EXOC7: variants seen among roughly 807,000 people sequenced by gnomAD.
The protein encoded by EXOC7 is exocyst complex component 7.
Under a neutral mutation model 87.6 loss-of-function variants are expected in EXOC7, and 51 were observed. That is an observed-to-expected ratio of 0.58 (90% CI 0.46 to 0.73). The LOEUF is 0.73. EXOC7 is among the 30% of genes least tolerant of loss of function. The pLI, the probability that EXOC7 is intolerant of heterozygous loss-of-function variation, is 0.00. For synonymous variants in EXOC7, 327 were observed against 357.1 expected (o/e 0.92, Z 0.95); for missense variants, 744 against 888.4 (o/e 0.84, Z 2.07).
chr17:76,081,883 T>C lies in EXOC7; in HGVS notation c.*1765A>G. 1 of 1,609,296 alleles carries C rather than the reference T, an allele frequency of 6.2e-7. No homozygotes were observed. The highest frequency in any genetic ancestry group is 8.5e-7 in the Non-Finnish European group (1 of 1,176,926). ...CTCCCTGTGCCCTGCCTCCCCCAGTTTACTACTTCACCATCCTGCTGCTGC... is the reference window on the plus strand; with the variant it reads ...CTCCCTGTGCCCTGCCTCCCCCAGTCTACTACTTCACCATCCTGCTGCTGC... On this transcript the variant is annotated 3_prime_UTR_variant, in exon 19 of 19. Coordinates refer to ENST00000589210, the MANE Select transcript of EXOC7 (RefSeq NM_001013839.4).
intron 4 of EXOC7, among the ~76,000 whole-genome samples, chr17:76,098,865 CAAAA>C (rs55644538): frequency 6.5e-5 from 7 of 106,890 alleles, no homozygotes; most frequent in Admixed American, 2.1e-4. Context: ...GACTCCGTCT[CAAAA>C]AAAAAAAAAA....
chr17:76,084,845 C>G, intron 15 of EXOC7: 1 of 526,206 alleles, frequency 1.9e-6, no homozygotes, highest in East Asian at 3.2e-5. Context: ...TCGTGGCAAA[C>G]TAAGATGGAG....
Position 76,094,415 on chromosome 17 carries a change from T to C in EXOC7, c.807A>G (p.Pro269=), listed in dbSNP as rs1469567737. 2 of 1,612,372 alleles carry C rather than the reference T, an allele frequency of 1.2e-6. No individual in the cohort carries two copies. The highest frequency in any genetic ancestry group is 4.5e-5 in the East Asian group (2 of 44,890). ...DTPTKKPVKR[P]GTIRKAQNLL... The stretch of plus-strand genomic sequence containing the variant: ...AGATGGGCCAGGATGGGGGCTCACC[T>C]GGCCGCTTGACTGGCTTCTTGGTAG... Residue 269 remains proline, a splice_region_variant and synonymous_variant, in exon 6 of 19, where the codon CCA becomes CCG. Coordinates refer to ENST00000589210, the MANE Select transcript of EXOC7 (RefSeq NM_001013839.4).
intron 4 of EXOC7, 94 bp from the exon 5 acceptor site, chr17:76,098,112 T>G (rs2144684498): frequency 9.5e-7 from 1 of 1,054,782 alleles, no homozygotes; most frequent in East Asian, 2.4e-5. Flanking sequence ...TCTTCTTAAC[T>G]CAGGGCCTCT....
chr17:76,090,397 C>T (rs1598314918), intron 7 of EXOC7: 3 of 1,551,600 alleles, frequency 1.9e-6, no homozygotes, highest in South Asian at 2.4e-5. Flanking sequence ...ATGCTCGTGA[C>T]CTGGCGAGAT....
intron 4 of EXOC7, 117 bp downstream of exon 4, chr17:76,101,154 C>T: frequency 6.4e-7 from 1 of 1,567,738 alleles, no homozygotes; most frequent in Non-Finnish European, 8.7e-7. Context: ...ATGTACTGTG[C>T]TATATCCTTC....
At chr17:76,083,835 G>A in intron 18 of EXOC7, 85 bp from the exon 19 acceptor site, 1 of 1,531,672 alleles carries the variant, frequency 6.5e-7, no homozygotes, top group South Asian at 1.1e-5. Flanking sequence ...TGATAGTCTT[G>A]GAAGGGGTGG....
At chr17:76,090,708 G>T (rs1375610792) in intron 7 of EXOC7, 2 of 576,806 alleles carry the variant, frequency 3.5e-6, no homozygotes, top group Non-Finnish European at 6.1e-6. Flanking sequence ...GCCCCAGGGG[G>T]GTTCCCCACC....
chr17:76,087,461 G>T, intron 12 of EXOC7, 193 bp downstream of exon 12: 1 of 602,670 alleles, frequency 1.7e-6, no homozygotes, highest in Non-Finnish European at 2.9e-6. Context: ...GGGGCCAGAG[G>T]TCCAGTGTCT....
rs557744998 is a variant in EXOC7 at position 76,097,802 on chromosome 17, T to C, written c.634A>G (p.Asn212Asp). ...CCAAGCCAGAATCCCTTACCTTGGT[T>C]GCGGCCATATTCCACCAGCCAGCGG... Reference protein sequence around the residue: ...ISRWLVEYGRNQDFMNVYYQI... With the variant: ...ISRWLVEYGRDQDFMNVYYQI... The change falls in exon 5 of 19, where the codon AAC becomes GAC. Residue 212 changes from asparagine (N) to aspartate (D), a missense_variant. Transcript: ENST00000589210. 1.3e-5 allele frequency: 21 copies of C among 1,610,624 alleles called. No individual in the cohort carries two copies. In the South Asian group the frequency reaches 1.9e-4, roughly 14 times the overall value.
At chr17:76,089,446 T>C in intron 7 of EXOC7, 126 bp from the exon 8 acceptor site, 5 of 1,254,738 alleles carry the variant, frequency 4.0e-6, no homozygotes, top group Non-Finnish European at 5.5e-6. Context: ...AGAGGCTGAC[T>C]GTTCTGGCAG....
chr17:76,087,720 C>T lies in EXOC7; in HGVS notation c.1363G>A (p.Ala455Thr). 6.4e-7 allele frequency: 1 copy of T among 1,551,110 alleles called. No homozygotes were observed. The change falls in exon 12 of 19, where the codon GCC (alanine) becomes ACC (threonine). Residue 455 changes from alanine (A) to threonine (T), a missense_variant and splice_region_variant. Physicochemically the swap from Ala to Thr is moderately conservative, Grantham distance 58. Transcript: ENST00000589210. The stretch of plus-strand genomic sequence containing the variant: ...AAAAGCTGCTGCAGGAAGAGGATGG[C>T]CTGGGTGGGAAGAAAACGGTGCAGA... ...DGTVHELTSN[A>T]ILFLQQLLDF...
intron 8 of EXOC7, 63 bp downstream of exon 8, chr17:76,089,112 C>G: frequency 1.2e-6 from 2 of 1,602,500 alleles, no homozygotes; most frequent in Non-Finnish European, 1.7e-6. Flanking sequence ...TTGAGGGCTG[C>G]AAGAGTCTGT....
At chr17:76,100,792 C>T (rs1297213784) in intron 4 of EXOC7, among the ~76,000 whole-genome samples, 1 of 152,068 alleles carries the variant, frequency 6.6e-6, no homozygotes, top group Non-Finnish European at 1.5e-5. Flanking sequence ...ACCAGTCTGG[C>T]CAACATGGCG....
At chr17:76,097,345 C>G (rs1190202605) in intron 5 of EXOC7, among the ~76,000 whole-genome samples, 1 of 152,096 alleles carries the variant, frequency 6.6e-6, no homozygotes, top group Non-Finnish European at 1.5e-5. Flanking sequence ...AGAATGGTTG[C>G]TTATATTCTT....
Position 76,081,847 on chromosome 17 carries a change from C to G in EXOC7, c.*1801G>C, listed in dbSNP as rs746784791. 5.6e-6 allele frequency: 9 copies of G among 1,608,632 alleles called. No individual in the cohort carries two copies. In the Admixed American group the frequency reaches 1.5e-4, roughly 27 times the overall value. On this transcript the variant is annotated 3_prime_UTR_variant, in exon 19 of 19. Transcript: ENST00000589210. ...TGGGCACCAGAGACACAGGGACTGG[C>G]CCCTGAGCATCTCCCTGTGCCCTGC... is the stretch of plus-strand genomic sequence containing the variant.
At chr17:76,088,301 C>T in intron 10 of EXOC7, 163 bp downstream of exon 10, 1 of 940,622 alleles carries the variant, frequency 1.1e-6, no homozygotes, top group Non-Finnish European at 1.6e-6. Context: ...GCTTGGAGGC[C>T]CCAGGAAGGA....
Position 76,086,229 on chromosome 17 carries a change from G to A in EXOC7, c.1430-84C>T. On this transcript the variant is annotated intron_variant, in intron 12 of 18. Coordinates refer to ENST00000589210, the MANE Select transcript of EXOC7 (RefSeq NM_001013839.4). ...TCCCCCAGGCCATGCAGCAGTCTGA[G>A]GGGACACTGAGACAGGCCCTGGGCT... 3.0e-6 allele frequency: 4 copies of A among 1,343,328 alleles called. No homozygotes were observed. In the South Asian group the frequency reaches 3.7e-5, roughly 12 times the overall value. The allele number at this position is 1,343,328 out of a possible 1,614,324, so 83.2% of individuals were successfully genotyped here. A position where few individuals can be genotyped will look rare whatever the true frequency, so the allele number is the denominator to read the frequency against.
rs2067338315 is a variant in EXOC7, at chr17:76,088,882, C to T, written c.1089G>A (p.Val363=). The part of the protein sequence containing the change: ...DGLMLEGENI[V]SAARKAIVRH... ...GCACAATGGCCTTCCGGGCAGCAGA[C>T]ACGATGTTCTCCCCTTCAAGCATCA... Residue 363 remains valine, a synonymous_variant, in exon 9 of 19, where the codon GTG becomes GTA. Transcript: ENST00000589210. 1 of 1,613,726 alleles carries T rather than the reference C, an allele frequency of 6.2e-7. No individual in the cohort carries two copies. The highest frequency in any genetic ancestry group is 8.5e-7 in the Non-Finnish European group (1 of 1,180,018).
Sources: gnomAD v4.1 joint callset for allele counts (sites outside exome capture counted in the v4.1 genomes callset) on GRCh38, gnomAD v4.1.1 for gene constraint, MANE v1.5 for transcripts, NCBI Gene and HGNC (gene_info 2026-07-23, HGNC 2026-07-21) for gene names.